OTUB1: variants seen among roughly 807,000 people sequenced by gnomAD.
The protein encoded by OTUB1 is OTU deubiquitinase, ubiquitin aldehyde binding 1.
OTUB1 carries 10 observed loss-of-function variants against 35.8 expected under a neutral mutation model. That is an observed-to-expected ratio of 0.28 (90% CI 0.17 to 0.47). The LOEUF (loss-of-function observed/expected upper bound fraction) is 0.47. Among genes scored for constraint, OTUB1 ranks in the 20% least tolerant of loss-of-function variants. The pLI is 0.99. For missense variants in OTUB1, 264 were observed against 351.6 expected (o/e 0.75, Z 1.99); for synonymous variants, 158 against 143.8 (o/e 1.10, Z -0.71).
In OTUB1 at chr11:63,997,079, G is replaced by A. The variant is rs1942727159; in HGVS notation, c.453G>A (p.Lys151=). ...TGGACCTGATTGAGCAGGTGGAGAAGCAGACCTCTGTCGCCGACCTGCTGG... is the reference window on the plus strand; with the variant it reads ...TGGACCTGATTGAGCAGGTGGAGAAACAGACCTCTGTCGCCGACCTGCTGG... ...TFMDLIEQVE[K]QTSVADLLAS... Residue 151 remains lysine (K), a synonymous_variant, in exon 6 of 7, where the codon AAG becomes AAA. Coordinates refer to ENST00000538426, the MANE Select transcript of OTUB1 (RefSeq NM_017670.3). 7.4e-6 allele frequency: 12 copies of A among 1,614,064 alleles called. No homozygotes were observed. Among genetic ancestry groups the A allele is most frequent in the Non-Finnish European group, 9.3e-6 (11 of 1,180,024 alleles).
intron 2 of OTUB1, 59 bp from the exon 3 acceptor site, chr11:63,988,587 TTCTGTCTG>T: frequency 7.4e-7 from 1 of 1,343,156 alleles, no homozygotes; most frequent in African/African-American, 1.4e-5. Context: ...TTTGTAGTTA[TTCTGTCTG>T]TTAGGCATGG....
Position 63,988,586 on chromosome 11 carries a change from AT to A in OTUB1, c.121-66del, listed in dbSNP as rs374859386. 419 of 1,340,628 alleles carry A rather than the reference AT, an allele frequency of 3.1e-4. 1 individual carries two copies. The African/African-American group carries it at 5.3e-3, about 17-fold the overall frequency. The allele number at this position is 1,340,628 out of a possible 1,614,324, so 83.0% of individuals were successfully genotyped here. On this transcript the variant is annotated intron_variant, in intron 2 of 6. Transcript: ENST00000538426. ...TGACCAGCCCAGCTCTTTTGTAGTT[AT>A]TCTGTCTGTTAGGCATGGGTCACTC...
chr11:63,987,886 T>C (rs1372744891), intron 1 of OTUB1, among the ~76,000 whole-genome samples: 1 of 152,034 alleles, frequency 6.6e-6, no homozygotes, highest in Admixed American at 6.6e-5. Flanking sequence ...GAAGGGGGTG[T>C]CAGAGCTGAA....
In OTUB1 at chr11:63,988,557, C is replaced by T. The variant is rs543774091; in HGVS notation, c.121-97C>T. 3.9e-4 allele frequency: 484 copies of T among 1,247,984 alleles called. 1 individual carries two copies. Among genetic ancestry groups the T allele is most frequent in the Non-Finnish European group, 4.9e-4 (417 of 850,968 alleles). The allele number at this position is 1,247,984 out of a possible 1,614,324, so 77.3% of individuals were successfully genotyped here. A position where few individuals can be genotyped will look rare whatever the true frequency, so the allele number is the denominator to read the frequency against. Reference sequence around the variant, plus strand: ...GCTTTTCTGGGGGTCGCTGTGCCACCGGGTGACCAGCCCAGCTCTTTTGTA... The same window carrying T: ...GCTTTTCTGGGGGTCGCTGTGCCACTGGGTGACCAGCCCAGCTCTTTTGTA... On this transcript the variant is annotated intron_variant, in intron 2 of 6. Transcript: ENST00000538426.
At chr11:63,988,444 T>C (rs1389986182) in intron 2 of OTUB1, 46 bp downstream of exon 2, 26 of 1,519,998 alleles carry the variant, frequency 1.7e-5, no homozygotes, top group Admixed American at 5.9e-5. Context: ...AGCAGCCCCA[T>C]TGTGGAAATG....
chr11:63,991,484 C>T (rs1475814295), intron 3 of OTUB1, among the ~76,000 whole-genome samples: 1 of 152,230 alleles, frequency 6.6e-6, no homozygotes, highest in Non-Finnish European at 1.5e-5. Flanking sequence ...AAAGGCCTCT[C>T]TGTGCCCCCA....
At chr11:63,990,594 A>AAAAAAAT (rs1565184898) in intron 3 of OTUB1, 4 of 139,240 alleles carry the variant, frequency 2.9e-5, no homozygotes, top group African/African-American at 1.1e-4. Flanking sequence ...TTAAAAAAAT[A>AAAAAAAT]AAAAAATAAA....
chr11:63,990,589 A>AAAAAAAT (rs1406618295), intron 3 of OTUB1: 7 of 137,106 alleles, frequency 5.1e-5, no homozygotes, highest in African/African-American at 1.9e-4. Flanking sequence ...GTCTCTTAAA[A>AAAAAAAT]AAATAAAAAA....
chr11:63,992,875 G>A (rs1942685108), intron 3 of OTUB1, among the ~76,000 whole-genome samples: 2 of 152,154 alleles, frequency 1.3e-5, no homozygotes, highest in East Asian at 3.9e-4. Context: ...TAGTAGAGGC[G>A]GGGTTTCACC....
rs1555002840 is a variant in OTUB1 at position 63,990,597 on chromosome 11, A to AAATAAAAAAT, written c.219+1847_219+1848insTAAAAAATAA. 5.8e-4 allele frequency: 84 copies of AAATAAAAAAT among 144,898 alleles called. 3 individuals carry two copies. Among genetic ancestry groups the AAATAAAAAAT allele is most frequent in the African/African-American group, 2.0e-3 (77 of 37,614 alleles). 9.0% of individuals were successfully genotyped at this position (144,898 alleles called of 1,614,324 possible). The stretch of plus-strand genomic sequence containing the variant: ...GAGACCTGTCTCTTAAAAAAATAAA[A>AAATAAAAAAT]AAATAAATAAATAAATAAATAAATA... On this transcript the variant is annotated intron_variant, in intron 3 of 6. Coordinates refer to ENST00000538426, the MANE Select transcript of OTUB1 (RefSeq NM_017670.3).
Position 63,988,622 on chromosome 11 carries a change from G to A in OTUB1, c.121-32G>A, listed in dbSNP as rs373268158. On this transcript the variant is annotated intron_variant, in intron 2 of 6. Transcript: ENST00000538426. ...TAGGCATGGGTCACTCCATCTCCCT[G>A]CTAGGACATGACAGATCCCTGCCTC... is the stretch of plus-strand genomic sequence containing the variant. The A allele has an allele frequency of 1.4e-4, 221 of 1,526,470 alleles. 1 individual carries two copies. The African/African-American group carries it at 2.6e-3, about 18-fold the overall frequency. The allele number at this position is 1,526,470 out of a possible 1,614,324, so 94.6% of individuals were successfully genotyped here.
chr11:63,991,203 G>A (rs1478232581), intron 3 of OTUB1, among the ~76,000 whole-genome samples: 3 of 152,172 alleles, frequency 2.0e-5, no homozygotes, highest in African/African-American at 7.2e-5. Context: ...CTCTGGGCGG[G>A]GACATTGTCT....
chr11:63,986,727 C>G (rs1287549592), intron 1 of OTUB1: 1 of 537,152 alleles, frequency 1.9e-6, no homozygotes, highest in Non-Finnish European at 3.3e-6. Flanking sequence ...CGAGGCGGGC[C>G]AAGGCCCGCG....
Position 63,997,314 on chromosome 11 carries a change from C to T in OTUB1, c.619-35C>T, listed in dbSNP as rs774077470. ...GGCCCACAGGGCCTGGGGCGGGGTGCGGAGACCAGGGCCTGACCGGCACCT... is the reference window on the plus strand; with the variant it reads ...GGCCCACAGGGCCTGGGGCGGGGTGTGGAGACCAGGGCCTGACCGGCACCT... On this transcript the variant is annotated intron_variant, in intron 6 of 6. Transcript: ENST00000538426. The T allele has an allele frequency of 1.8e-5, 29 of 1,612,322 alleles. No homozygotes were observed. The Admixed American group carries it at 2.8e-4, about 16-fold the overall frequency.
intron 3 of OTUB1, chr11:63,989,743 AG>A (rs1196327928): frequency 6.9e-6 from 1 of 143,948 alleles, no homozygotes; most frequent in Non-Finnish European, 1.5e-5. Context: ...AAAAAAAAAA[AG>A]GCCTGGCGCG....
chr11:63,986,671 A>T (rs943365102), intron 1 of OTUB1, among the ~76,000 whole-genome samples, 157 bp downstream of exon 1: 3 of 151,954 alleles, frequency 2.0e-5, no homozygotes, highest in Admixed American at 2.0e-4. Context: ...CCCCCTCACA[A>T]TGGAAGGAGC....
At position 63,998,112 on chromosome 11, in the gene OTUB1, T is replaced by TAC; in HGVS notation, c.*566_*567insAC. The TAC allele has an allele frequency of 2.4e-5, 8 of 333,600 alleles. No individual in the cohort carries two copies. The highest frequency in any genetic ancestry group is 1.3e-4 in the South Asian group (4 of 31,018). The allele number at this position is 333,600 out of a possible 1,614,324, so 20.7% of individuals were successfully genotyped here. The stretch of plus-strand genomic sequence containing the variant: ...CCCGGCTCAGGGCAGGTGGAGGAGC[T>TAC]GGGCCTCCCACAGGGTGCCCGGGCA... On this transcript the variant is annotated 3_prime_UTR_variant, in exon 7 of 7. Transcript: ENST00000538426.
intron 3 of OTUB1, 77 bp from the exon 4 acceptor site, chr11:63,996,453 T>C: frequency 6.6e-7 from 1 of 1,520,378 alleles, no homozygotes; most frequent in Non-Finnish European, 9.0e-7. Flanking sequence ...GAGTGTGACC[T>C]TTGCTGGGGG....
chr11:63,991,194 T>C (rs1942669469), intron 3 of OTUB1, among the ~76,000 whole-genome samples: 1 of 152,090 alleles, frequency 6.6e-6, no homozygotes, highest in Admixed American at 6.6e-5. Flanking sequence ...CCCTGTTCTC[T>C]CTGGGCGGGG....
Sources: gnomAD v4.1 joint callset for allele counts (sites outside exome capture counted in the v4.1 genomes callset) on GRCh38, gnomAD v4.1.1 for gene constraint, MANE v1.5 for transcripts, NCBI Gene and HGNC (gene_info 2026-07-23, HGNC 2026-07-21) for gene names.